Variants in ENTPD1 observed in about 807,000 individuals in gnomAD.
The protein encoded by ENTPD1 is ATP diphosphohydrolase.
In ENTPD1, 33 loss-of-function variants were observed where a neutral mutation model predicts 57.0. The observed-to-expected ratio is 0.58, with a 90% CI of 0.44 to 0.77. The LOEUF is 0.77. ENTPD1 is among the 30% of genes least tolerant of loss of function. ENTPD1 has a pLI of 0.00. For missense variants in ENTPD1, 501 were observed against 603.4 expected, an observed-to-expected ratio of 0.83 and a Z score of 1.78; for synonymous variants, 202 against 218.8, an observed-to-expected ratio of 0.92 and a Z score of 0.68.
chr10:95,802,113 G>A (rs1459823507), intron 1 of ENTPD1, among the ~76,000 whole-genome samples: 2 of 152,174 alleles, frequency 1.3e-5, no homozygotes, highest in African/African-American at 2.4e-5. Flanking sequence ...ATATATTTTA[G>A]AGAGGCATGA....
chr10:95,864,909 A>G (rs201680456), intron 9 of ENTPD1, 48 bp downstream of exon 9: 1 of 1,602,864 alleles, frequency 6.2e-7, no homozygotes. Flanking sequence ...GTTCGGTGGT[A>G]GTGACTGAAG....
intron 2 of ENTPD1, among the ~76,000 whole-genome samples, chr10:95,837,174 C>T (rs181812643): frequency 1.6e-4 from 25 of 152,280 alleles, no homozygotes; most frequent in African/African-American, 6.0e-4. Flanking sequence ...TTCTTTGGCT[C>T]TATGGGAAGA....
chr10:95,853,135 G>C (rs978361744), intron 7 of ENTPD1, among the ~76,000 whole-genome samples: 3 of 152,142 alleles, frequency 2.0e-5, no homozygotes, highest in Non-Finnish European at 4.4e-5. Context: ...TCTCCTTGAA[G>C]AGGTCCTTCA....
In ENTPD1 at chr10:95,872,079, T is replaced by G. The variant is rs1319865190; in HGVS notation, c.*5696T>G. ...ACCTCCCCATTCTGCCTGTGCAATATTTTTCTTTTTTATTTCTCCTTCTAA... is the reference window on the plus strand; with the variant it reads ...ACCTCCCCATTCTGCCTGTGCAATAGTTTTCTTTTTTATTTCTCCTTCTAA... On this transcript the variant is annotated 3_prime_UTR_variant, in exon 10 of 10. Transcript: ENST00000371205. 2.0e-6 allele frequency: 2 copies of G among 985,438 alleles called. No individual in the cohort carries two copies. The highest frequency in any genetic ancestry group is 2.4e-6 in the Non-Finnish European group (2 of 829,936). The allele number at this position is 985,438 out of a possible 1,614,324, so 61.0% of individuals were successfully genotyped here. A position where few individuals can be genotyped will look rare whatever the true frequency, so the allele number is the denominator to read the frequency against.
the ENTPD1 span, among the ~76,000 whole-genome samples, chr10:95,702,681 A>G: frequency 2.6e-5 from 4 of 152,362 alleles, no homozygotes; most frequent in African/African-American, 7.2e-5. Context: ...TTAAAAGAAA[A>G]TAATACATGG....
chr10:95,732,648 G>T lies in ENTPD1; in HGVS notation c.37+20655G>T, dbSNP rs76369287. 4.3e-4 allele frequency among the ~76,000 whole-genome samples: 65 copies of T among 152,182 alleles called. 1 individual carries two copies. The East Asian group carries it at 0.012, about 28-fold the overall frequency. On this transcript the variant is annotated intron_variant, in intron 1 of 9. Coordinates refer to the ENTPD1 transcript ENST00000453258. ...CCCCAATAATTCAACGTTATTTCAC[G>T]TAGGTTCTTTTCTATTTCCCTAAGT...
intron 1 of ENTPD1, among the ~76,000 whole-genome samples, chr10:95,731,347 C>A (rs2097988801): frequency 6.6e-6 from 1 of 152,166 alleles, no homozygotes; most frequent in South Asian, 2.1e-4. Flanking sequence ...CAGCTCCTTC[C>A]CTGCTGGGCC....
At chr10:95,780,961 C>T (rs1373759638) in intron 1 of ENTPD1, among the ~76,000 whole-genome samples, 1 of 152,204 alleles carries the variant, frequency 6.6e-6, no homozygotes, top group Admixed American at 6.5e-5. Context: ...TCTGCCCTCC[C>T]ATGTTCGTTG....
intron 1 of ENTPD1, among the ~76,000 whole-genome samples, chr10:95,727,884 G>A (rs1451900795): frequency 6.6e-6 from 1 of 152,140 alleles, no homozygotes; most frequent in East Asian, 1.9e-4. Flanking sequence ...TTTATATGTG[G>A]AGTGACAGTT....
intron 1 of ENTPD1, among the ~76,000 whole-genome samples, chr10:95,762,114 A>G (rs1477399615): frequency 2.6e-5 from 4 of 151,720 alleles, no homozygotes; most frequent in Non-Finnish European, 5.9e-5. Flanking sequence ...CATCAAAGTG[A>G]CTTTAGAGAC....
intron 1 of ENTPD1, among the ~76,000 whole-genome samples, chr10:95,771,950 G>T (rs1003744605): frequency 2.0e-5 from 3 of 152,022 alleles, no homozygotes; most frequent in African/African-American, 7.3e-5. Context: ...GTTCCAGACC[G>T]CTACAAAGGA....
At chr10:95,746,007 G>A (rs1280559991) in intron 1 of ENTPD1, among the ~76,000 whole-genome samples, 2 of 152,200 alleles carry the variant, frequency 1.3e-5, no homozygotes, top group Non-Finnish European at 2.9e-5. Context: ...ACAGCTGCTG[G>A]TTGAATACAT....
intron 1 of ENTPD1, among the ~76,000 whole-genome samples, chr10:95,799,835 T>C (rs1334127247): frequency 6.6e-6 from 1 of 152,216 alleles, no homozygotes; most frequent in Non-Finnish European, 1.5e-5. Flanking sequence ...CCATTCTGAC[T>C]GGTGTGAGAT....
At position 95,712,258 on chromosome 10, in the gene ENTPD1, G is replaced by A. The variant is rs544690282; in HGVS notation, c.37+265G>A. Reference sequence around the variant, plus strand: ...TCATAAAGAAGGATGCCATAGGGTAGGACATGGGCCTAAACCCCCATAAAC... The same window carrying A: ...TCATAAAGAAGGATGCCATAGGGTAAGACATGGGCCTAAACCCCCATAAAC... On this transcript the variant is annotated intron_variant, in intron 1 of 9. Transcript: ENST00000453258. Among the ~76,000 whole-genome samples, 8 of 152,272 alleles carry A rather than the reference G, an allele frequency of 5.3e-5. No individual in the cohort carries two copies. The South Asian group carries it at 1.7e-3, about 32-fold the overall frequency.
chr10:95,859,716 GT>G (rs1165685292), intron 7 of ENTPD1, among the ~76,000 whole-genome samples: 12 of 152,136 alleles, frequency 7.9e-5, no homozygotes, highest in Middle Eastern at 3.2e-3. Flanking sequence ...TAAAAAGGCA[GT>G]TATAGGGTGG....
At chr10:95,759,165 G>T (rs938387812) in intron 1 of ENTPD1, among the ~76,000 whole-genome samples, 14 of 152,216 alleles carry the variant, frequency 9.2e-5, no homozygotes, top group African/African-American at 3.4e-4. Context: ...ACCTTCAAGA[G>T]GCTTGTTTAA....
At chr10:95,754,742 T>C (rs1441640747), upstream of ENTPD1, 3 of 152,246 alleles carry the variant, frequency 2.0e-5, no homozygotes, top group Non-Finnish European at 1.5e-5. Context: ...GTGTAATTAG[T>C]TGTTATCATA....
chr10:95,734,256 G>T (rs2097992157), intron 1 of ENTPD1, among the ~76,000 whole-genome samples: 1 of 152,296 alleles, frequency 6.6e-6, no homozygotes, highest in East Asian at 1.9e-4. Context: ...GAGGTAAGAG[G>T]ACTCCAGTAA....
intron 8 of ENTPD1, among the ~76,000 whole-genome samples, chr10:95,862,002 T>TAA (rs751536822): frequency 1.5e-5 from 2 of 137,928 alleles, no homozygotes; most frequent in African/African-American, 5.4e-5. Flanking sequence ...TCTCAAAAAT[T>TAA]AAAAAAAAAA....
Sources: allele counts gnomAD v4.1 joint callset (sites outside exome capture counted in the v4.1 genomes callset), GRCh38; gene constraint gnomAD v4.1.1; transcripts MANE v1.5; gene names NCBI Gene and HGNC (gene_info 2026-07-23, HGNC 2026-07-21).